The following RASGRP3 variants were observed in gnomAD, a reference collection of about 807,000 sequenced individuals.
RASGRP3 encodes ras guanyl-releasing protein 3.
RASGRP3 carries 54 observed loss-of-function variants against 82.7 expected under a neutral mutation model. The ratio of observed to expected loss-of-function variants is 0.65; its 90% confidence interval spans 0.52 to 0.82. The LOEUF (loss-of-function observed/expected upper bound fraction) is 0.82, where lower values mean the gene tolerates loss of function less well. RASGRP3 is among the 40% of genes least tolerant of loss of function. RASGRP3 has a pLI of 0.00. For missense variants in RASGRP3, 861 were observed against 828.9 expected (o/e 1.04, Z -0.48); for synonymous variants, 309 against 300.5 (o/e 1.03, Z -0.29).
rs537631182 is a variant in RASGRP3, at chr2:33,440,329, CCA to C, written c.-385+3741_-385+3742del. Among the ~76,000 whole-genome samples the C allele has an allele frequency of 2.0e-5, 3 of 152,290 alleles. No individual in the cohort carries two copies. In the South Asian group the frequency reaches 6.2e-4, roughly 32 times the overall value. Reference sequence around the variant, plus strand: ...ATCTATCGGCAGGTTCCATTGCCAGCCACATTTTGTAGTTGAGAAAAGTGAGG... The same window carrying C: ...ATCTATCGGCAGGTTCCATTGCCAGCCATTTTGTAGTTGAGAAAAGTGAGG... On this transcript the variant is annotated intron_variant, in intron 1 of 18. Coordinates refer to the RASGRP3 transcript ENST00000402538.
At chr2:33,459,802 G>A (rs1044105858) in intron 2 of RASGRP3, among the ~76,000 whole-genome samples, 10 of 152,124 alleles carry the variant, frequency 6.6e-5, no homozygotes, top group Admixed American at 1.3e-4. Flanking sequence ...AGAGAGACTG[G>A]GGGACAGAGG....
At chr2:33,437,035 AT>A (rs1273854731) in intron 1 of RASGRP3, among the ~76,000 whole-genome samples, 4 of 152,202 alleles carry the variant, frequency 2.6e-5, no homozygotes, top group African/African-American at 9.6e-5. Flanking sequence ...TAAAAGTTAT[AT>A]ATAAAATTTA....
At chr2:33,553,995 C>T (rs12467474) in intron 14 of RASGRP3, among the ~76,000 whole-genome samples, 19,642 of 152,106 alleles carry the variant, frequency 0.13, 1,429 homozygotes, top group African/African-American at 0.19. Context: ...CCTCGGCCTC[C>T]GAAAGTGCTG....
intron 13 of RASGRP3, 114 bp from the exon 14 acceptor site, chr2:33,549,490 T>C: frequency 1.0e-6 from 1 of 991,594 alleles, no homozygotes; most frequent in Non-Finnish European, 1.5e-6. Context: ...GAGAAGTGAA[T>C]GTGCCTCAAC....
chr2:33,546,067 C>T (rs946093779), intron 13 of RASGRP3, among the ~76,000 whole-genome samples: 1 of 151,952 alleles, frequency 6.6e-6, no homozygotes, highest in African/African-American at 2.4e-5. Context: ...GCCTTGGCCT[C>T]CCAAAGTTCT....
chr2:33,522,242 A>G (rs921611129), intron 7 of RASGRP3, 140 bp downstream of exon 7: 1 of 896,272 alleles, frequency 1.1e-6, no homozygotes, highest in African/African-American at 1.7e-5. Context: ...TCACAGGAAC[A>G]ATCCCTTTTA....
chr2:33,480,859 T>C (rs766580496), intron 1 of RASGRP3, among the ~76,000 whole-genome samples: 2 of 152,218 alleles, frequency 1.3e-5, no homozygotes, highest in Non-Finnish European at 2.9e-5. Flanking sequence ...GTGATTATTA[T>C]AGCTTCAGAG....
intron 1 of RASGRP3, among the ~76,000 whole-genome samples, chr2:33,511,497 CA>C (rs933781735): frequency 6.6e-6 from 1 of 152,062 alleles, no homozygotes; most frequent in African/African-American, 2.4e-5. Context: ...TAATAGGCTG[CA>C]AAAAGCTTAC....
In RASGRP3 at chr2:33,515,065, CTTGCATGA is replaced by C; in HGVS notation, c.-69_-62del. On this transcript the variant is annotated 5_prime_UTR_variant, in exon 3 of 18. It removes an upstream start codon present in the reference 5' UTR. Coordinates refer to ENST00000403687, the MANE Select transcript of RASGRP3 (RefSeq NM_001139488.2). ...CACCACTAGGCACTAACATCGCTGA[CTTGCATGA>C]TTATGGAGATGGTCTATCTGATGCT... The C allele has an allele frequency of 7.0e-7, 1 of 1,436,940 alleles. No individual in the cohort carries two copies. Among genetic ancestry groups the C allele is most frequent in the Non-Finnish European group, 9.8e-7 (1 of 1,018,692 alleles). 89.0% of individuals were successfully genotyped at this position (1,436,940 alleles called of 1,614,324 possible). A position where few individuals can be genotyped will look rare whatever the true frequency, so the allele number is the denominator to read the frequency against.
intron 1 of RASGRP3, among the ~76,000 whole-genome samples, chr2:33,493,394 T>C (rs1669028606): frequency 6.6e-6 from 1 of 152,184 alleles, no homozygotes; most frequent in Non-Finnish European, 1.5e-5. Flanking sequence ...GAGTCCCTAG[T>C]GGTGCTGTCA....
rs1299631287 is a variant in RASGRP3 at position 33,548,354 on chromosome 2, C to G, written c.1395-1250C>G. Among the ~76,000 whole-genome samples, 3 of 92,900 alleles carry G rather than the reference C, an allele frequency of 3.2e-5. No homozygotes were observed. The Admixed American group carries it at 4.2e-4, about 13-fold the overall frequency. The allele number at this position is 92,900 out of a possible 152,430, so 60.9% of individuals were successfully genotyped here. ...CCGGCCTAGGCTAAAGAGCGGGACT[C>G]CGTCTCAAAAAAAAAAAAAAAAAAA... On this transcript the variant is annotated intron_variant, in intron 13 of 17. Coordinates refer to ENST00000403687, the MANE Select transcript of RASGRP3 (RefSeq NM_001139488.2).
rs1553360485 is a variant in RASGRP3, at chr2:33,540,554, T to TG, written c.1278+1344_1278+1345insG. 1.5e-4 allele frequency among the ~76,000 whole-genome samples: 4 copies of TG among 26,132 alleles called. 1 individual carries two copies. The highest frequency in any genetic ancestry group is 3.2e-4 in the African/African-American group (4 of 12,584). The allele number at this position is 26,132 out of a possible 152,430, so 17.1% of individuals were successfully genotyped here. On this transcript the variant is annotated intron_variant, in intron 12 of 17. Coordinates refer to ENST00000403687, the MANE Select transcript of RASGRP3 (RefSeq NM_001139488.2). The stretch of plus-strand genomic sequence containing the variant: ...CTCTCTCTCTCTCTCTGTGTGTGTG[T>TG]TTTGTGTGTGTGTGTGTGTGTGTGT...
intron 10 of RASGRP3, among the ~76,000 whole-genome samples, chr2:33,529,074 T>C (rs1267702247): frequency 6.6e-6 from 1 of 152,156 alleles, no homozygotes; most frequent in African/African-American, 2.4e-5. Flanking sequence ...GTGCCTACCC[T>C]TGGGCAATTT....
At position 33,526,276 on chromosome 2, in the gene RASGRP3, A is replaced by G. The variant is rs114631377; in HGVS notation, c.808-861A>G. Among the ~76,000 whole-genome samples the G allele has an allele frequency of 1.7e-3, 262 of 152,322 alleles. 1 individual carries two copies. The highest frequency in any genetic ancestry group is 6.1e-3 in the African/African-American group (252 of 41,598). The stretch of plus-strand genomic sequence containing the variant: ...TGGAAACAGACTCTGTCTGAGTCAC[A>G]AGGGCTGCTTTGGAGAGAGCAGACT... On this transcript the variant is annotated intron_variant, in intron 9 of 17. Transcript: ENST00000403687.
At chr2:33,496,780 C>A (rs946246334) in intron 1 of RASGRP3, among the ~76,000 whole-genome samples, 5 of 152,158 alleles carry the variant, frequency 3.3e-5, no homozygotes, top group African/African-American at 9.7e-5. Flanking sequence ...TCACTTGAAT[C>A]CAGGAGGCAG....
intron 3 of RASGRP3, among the ~76,000 whole-genome samples, chr2:33,515,461 T>G (rs1412452587): frequency 6.6e-6 from 1 of 152,186 alleles, no homozygotes; most frequent in Non-Finnish European, 1.5e-5. Context: ...TCTACCACCA[T>G]CCATTGGTCA....
intron 1 of RASGRP3, among the ~76,000 whole-genome samples, chr2:33,479,163 G>A (rs1340470324): frequency 6.6e-6 from 1 of 152,214 alleles, no homozygotes; most frequent in East Asian, 1.9e-4. Flanking sequence ...TGTGTGTTAT[G>A]CCCTTTTCGA....
intron 1 of RASGRP3, among the ~76,000 whole-genome samples, chr2:33,505,176 A>ACCACCACCACCACCACCACCC (rs1670247091): frequency 6.6e-6 from 1 of 151,438 alleles, no homozygotes; most frequent in African/African-American, 2.4e-5. Flanking sequence ...CACCACCACC[A>ACCACCACCACCACCACCACCC]CCATTATTAT....
Position 33,520,578 on chromosome 2 carries a change from G to A in RASGRP3, c.262G>A (p.Glu88Lys), listed in dbSNP as rs771596671. The A allele has an allele frequency of 6.2e-7, 1 of 1,614,046 alleles. No individual in the cohort carries two copies. Among genetic ancestry groups the A allele is most frequent in the Non-Finnish European group, 8.5e-7 (1 of 1,179,882 alleles). ...GTACTGGATTCTGAAGTTTCCTGCA[G>A]AGTTTAATTTGGATCTTGGTTTGAT... The part of the protein sequence containing the change: ...MRYWILKFPA[E>K]FNLDLGLIRM... The change falls in exon 6 of 18, where the codon GAG becomes AAG. Residue 88 changes from glutamate to lysine, a missense_variant. Glu to Lys is a moderately conservative substitution (Grantham distance 56). Coordinates refer to ENST00000403687, the MANE Select transcript of RASGRP3 (RefSeq NM_001139488.2).
Sources: allele counts gnomAD v4.1 joint callset (sites outside exome capture counted in the v4.1 genomes callset), GRCh38; gene constraint gnomAD v4.1.1; transcripts MANE v1.5; gene names NCBI Gene and HGNC (gene_info 2026-07-23, HGNC 2026-07-21).